DYNC2H1: variants seen among roughly 807,000 people sequenced by gnomAD.
The protein encoded by DYNC2H1 is cytoplasmic dynein 2 heavy chain 1.
A neutral mutation model predicts 570.0 loss-of-function variants in DYNC2H1; 410 were observed. That is an observed-to-expected ratio of 0.72 (90% confidence interval 0.66 to 0.78). The LOEUF is 0.78. Ranked by LOEUF, DYNC2H1 falls within the 30% of genes least tolerant of loss-of-function variation. The probability of loss-of-function intolerance (pLI) is 0.00; values close to 1 mark genes in which losing one functional copy is unlikely to be tolerated. For synonymous variants in DYNC2H1, 1,688 were observed against 1,677.6 expected (o/e 1.01, Z -0.15); for missense variants, 4,865 against 5,046.4 (o/e 0.96, Z 1.09).
At chr11:103,415,531 C>T (rs886837427) in intron 84 of DYNC2H1, among the ~76,000 whole-genome samples, 5 of 152,130 alleles carry the variant, frequency 3.3e-5, no homozygotes, top group Non-Finnish European at 7.4e-5. Context: ...TCTATGCAGC[C>T]AACAGACACA....
intron 87 of DYNC2H1, among the ~76,000 whole-genome samples, chr11:103,462,805 G>A (rs1241562008): frequency 6.6e-6 from 1 of 152,000 alleles, no homozygotes; most frequent in African/African-American, 2.4e-5. Flanking sequence ...ATGTGCAGTT[G>A]TCTCTGGTCT....
chr11:103,135,561 G>T lies in DYNC2H1; in HGVS notation c.2272G>T (p.Glu758Ter). 5.6e-6 allele frequency: 9 copies of T among 1,612,826 alleles called. No individual in the cohort carries two copies. The highest frequency in any genetic ancestry group is 7.6e-6 in the Non-Finnish European group (9 of 1,179,452). ...GAATCATCAACTGTACAAAGCTCTG[G>T]AGCATCAGTACCAGATGGGCTTAGA... is the stretch of plus-strand genomic sequence containing the variant. Reference protein sequence around the residue: ...HWNHQLYKALEHQYQMGLEAL... With the variant: ...HWNHQLYKAL Residue 758 changes from glutamate to a stop codon, truncating the protein, a stop_gained, in exon 16 of 89, where the codon GAG becomes TAG. Transcript: ENST00000375735. LOFTEE classifies it high-confidence loss of function.
At position 103,176,239 on chromosome 11, in the gene DYNC2H1, T is replaced by C. The variant is rs1385666218; in HGVS notation, c.5679T>C (p.Asn1893=). Residue 1893 remains asparagine, a synonymous_variant, in exon 37 of 89, where the codon AAT becomes AAC. Transcript: ENST00000375735. Reference sequence around the variant, plus strand: ...TAAAATGAAACTTTTTTCTAGCTAATGAAAGTCATATTGTGGTACAAGCAC... The same window carrying C: ...TAAAATGAAACTTTTTTCTAGCTAACGAAAGTCATATTGTGGTACAAGCAC... ...LNKSGTTQNA[N]ESHIVVQALR... 7 of 1,478,198 alleles carry C rather than the reference T, an allele frequency of 4.7e-6. No homozygotes were observed. Among genetic ancestry groups the C allele is most frequent in the African/African-American group, 2.9e-5 (2 of 68,568 alleles). 91.6% of individuals were successfully genotyped at this position (1,478,198 alleles called of 1,614,324 possible).
Position 103,281,216 on chromosome 11 carries a change from T to C in DYNC2H1, c.10761+803T>C, listed in dbSNP as rs1351505748. Among the ~76,000 whole-genome samples, 5 of 152,224 alleles carry C rather than the reference T, an allele frequency of 3.3e-5. No homozygotes were observed. In the East Asian group the frequency reaches 9.6e-4, roughly 29 times the overall value. ...ACAGTTCATATGTTCTCCCTTTGTT[T>C]TTCTCTGACTCCACATGCACTGACA... On this transcript the variant is annotated intron_variant, in intron 71 of 88. Coordinates refer to ENST00000375735, the MANE Select transcript of DYNC2H1 (RefSeq NM_001377.3).
rs1220299715 is a variant in DYNC2H1 at position 103,325,204 on chromosome 11, CTCTTTAGTTAGG to C, written c.12039+1218_12039+1229del. 6.6e-6 allele frequency among the ~76,000 whole-genome samples: 1 copy of C among 152,170 alleles called. No individual in the cohort carries two copies. Among genetic ancestry groups the C allele is most frequent in the Non-Finnish European group, 1.5e-5 (1 of 68,030 alleles). ...GATAGTCTCTTTTGCTCTGCAGAAG[CTCTTTAGTTAGG>C]TCTCATTTGACAATTTTTGTTTGGG... On this transcript the variant is annotated intron_variant, in intron 82 of 88. Transcript: ENST00000375735. This position sits in a 1 kb window ranked among gnomAD's most constrained non-coding sequence, Gnocchi z 4.8.
At chr11:103,120,901 T>C in intron 8 of DYNC2H1, 24 bp from the exon 9 acceptor site, 1 of 1,359,720 alleles carries the variant, frequency 7.4e-7, no homozygotes, top group East Asian at 2.7e-5. Flanking sequence ...GGGATGAACA[T>C]GTACTTATTT....
At chr11:103,270,577 C>CCTCTCTCTCT (rs3076351) in intron 70 of DYNC2H1, among the ~76,000 whole-genome samples, 2 of 146,262 alleles carry the variant, frequency 1.4e-5, no homozygotes, top group Non-Finnish European at 3.0e-5. Flanking sequence ...TGATGTGGTA[C>CCTCTCTCTCT]CTCTCTCTCT....
intron 69 of DYNC2H1, among the ~76,000 whole-genome samples, chr11:103,258,872 CTT>C (rs1304000947): frequency 1.3e-5 from 2 of 152,250 alleles, no homozygotes; most frequent in East Asian, 3.9e-4. Flanking sequence ...GATAGAGTGA[CTT>C]TTAGGAAATC....
In DYNC2H1 at chr11:103,177,724, C is replaced by T. The variant is rs1219437391; in HGVS notation, c.6043C>T (p.Arg2015Ter). The change falls in exon 38 of 89, where the codon CGA (arginine) becomes TGA (stop). Residue 2015 changes from arginine (R) to a stop codon, truncating the protein, a stop_gained. Coordinates refer to ENST00000375735, the MANE Select transcript of DYNC2H1 (RefSeq NM_001377.3). LOFTEE classifies it high-confidence loss of function. This position sits in a 1 kb window ranked among gnomAD's most constrained non-coding sequence, Gnocchi z 4.4. ...TACTATGAATCCCAAAGCTATGCCTCGATATCAATTATTAGGCCATATTGA... is the reference window on the plus strand; with the variant it reads ...TACTATGAATCCCAAAGCTATGCCTTGATATCAATTATTAGGCCATATTGA... ...QYTMNPKAMP[R>*]YQLLGHIDMD... The T allele has an allele frequency of 8.1e-6, 13 of 1,613,274 alleles. No homozygotes were observed. Among genetic ancestry groups the T allele is most frequent in the East Asian group, 2.2e-5 (1 of 44,808 alleles).
rs756798033 is a variant in DYNC2H1, at chr11:103,235,731, A to G, written c.9627A>G (p.Ala3209=). Reference sequence around the variant, plus strand: ...CTAAAAGAGCTCAACTTGCTGCTGCATTTATTACATATCTTTCTGCTGCTC... The same window carrying G: ...CTAAAAGAGCTCAACTTGCTGCTGCGTTTATTACATATCTTTCTGCTGCTC... ...TLPKRAQLAA[A]FITYLSAAPE... The change falls in exon 62 of 89, where the codon GCA becomes GCG. Residue 3209 remains alanine, a synonymous_variant. Coordinates refer to ENST00000375735, the MANE Select transcript of DYNC2H1 (RefSeq NM_001377.3). 3.1e-6 allele frequency: 5 copies of G among 1,611,678 alleles called. No homozygotes were observed. The South Asian group carries it at 4.4e-5, about 14-fold the overall frequency.
chr11:103,131,083 A>G (rs951439065), intron 13 of DYNC2H1, among the ~76,000 whole-genome samples: 1 of 152,166 alleles, frequency 6.6e-6, no homozygotes, highest in African/African-American at 2.4e-5. Flanking sequence ...CTATGCCTTC[A>G]TTGTCCCCTT....
chr11:103,176,167 G>C, intron 36 of DYNC2H1, 68 bp from the exon 37 acceptor site: 1 of 1,235,928 alleles, frequency 8.1e-7, no homozygotes, highest in Non-Finnish European at 1.1e-6. Flanking sequence ...CAAGGCTATA[G>C]AATATTTAAA....
intron 55 of DYNC2H1, among the ~76,000 whole-genome samples, chr11:103,216,834 A>C (rs1387619531): frequency 6.6e-6 from 1 of 152,054 alleles, no homozygotes; most frequent in Non-Finnish European, 1.5e-5. Context: ...GTCTTCTTGG[A>C]AGTCTCTCGG....
At chr11:103,343,364 A>G (rs1191799917) in intron 82 of DYNC2H1, among the ~76,000 whole-genome samples, 1 of 152,138 alleles carries the variant, frequency 6.6e-6, no homozygotes, top group Admixed American at 6.5e-5. Flanking sequence ...CTCGCTTCTA[A>G]AAACCACTCC....
chr11:103,374,314 GCTA>G (rs1242555816), intron 83 of DYNC2H1, among the ~76,000 whole-genome samples: 1 of 152,128 alleles, frequency 6.6e-6, no homozygotes, highest in African/African-American at 2.4e-5. Context: ...GATTTTATAA[GCTA>G]CTGGCATTTC....
chr11:103,232,866 T>C (rs896192107), intron 60 of DYNC2H1, among the ~76,000 whole-genome samples: 6 of 140,432 alleles, frequency 4.3e-5, no homozygotes, highest in Non-Finnish European at 9.3e-5. Flanking sequence ...TTAATGGAAC[T>C]TCATGAGATT....
At chr11:103,231,213 T>C in intron 59 of DYNC2H1, 47 bp from the exon 60 acceptor site, 4 of 1,198,086 alleles carry the variant, frequency 3.3e-6, no homozygotes, top group Non-Finnish European at 4.7e-6. Context: ...GCTTTATAGT[T>C]GATATCTAAA....
intron 83 of DYNC2H1, among the ~76,000 whole-genome samples, 169 bp downstream of exon 83, chr11:103,358,528 A>AT (rs1940471448): frequency 6.6e-6 from 1 of 152,094 alleles, no homozygotes; most frequent in South Asian, 2.1e-4. Flanking sequence ...CAAAGTTAGT[A>AT]TTTTTTACTC....
At chr11:103,450,963 G>A (rs1005490483) in intron 85 of DYNC2H1, among the ~76,000 whole-genome samples, 4 of 152,030 alleles carry the variant, frequency 2.6e-5, no homozygotes, top group African/African-American at 9.7e-5. Context: ...TGATAAATAC[G>A]TTAGGTCCTA....
Sources: allele counts gnomAD v4.1 joint callset (sites outside exome capture counted in the v4.1 genomes callset), GRCh38; gene constraint gnomAD v4.1.1; non-coding constraint Gnocchi (gnomAD v3.1); transcripts MANE v1.5; gene names NCBI Gene and HGNC (gene_info 2026-07-23, HGNC 2026-07-21).